The following HSD17B4 variants were observed in gnomAD, a reference collection of about 807,000 sequenced individuals.
HSD17B4 encodes the protein hydroxysteroid 17-beta dehydrogenase 4.
Under a neutral mutation model 101.0 loss-of-function variants are expected in HSD17B4, and 70 were observed. The ratio of observed to expected loss-of-function variants is 0.69; its 90% confidence interval spans 0.57 to 0.85. The LOEUF (loss-of-function observed/expected upper bound fraction) is 0.85, where lower values mean the gene tolerates loss of function less well. Ranked by LOEUF, HSD17B4 falls within the 40% of genes least tolerant of loss-of-function variation. The probability of loss-of-function intolerance (pLI) is 0.00; values close to 1 mark genes in which losing one functional copy is unlikely to be tolerated. For missense variants in HSD17B4, 984 were observed against 892.4 expected, an observed-to-expected ratio of 1.10 and a Z score of -1.31; for synonymous variants, 347 against 297.1, an observed-to-expected ratio of 1.17 and a Z score of -1.73.
intron 8 of HSD17B4, among the ~76,000 whole-genome samples, chr5:119,483,983 C>T: frequency 6.6e-6 from 1 of 152,110 alleles, no homozygotes; most frequent in East Asian, 1.9e-4. Context: ...ACAAGGTCCA[C>T]AGACATTTTT....
In HSD17B4 at chr5:119,503,624, T is replaced by C. The variant is rs568078590; in HGVS notation, c.1261+1532T>C. Among the ~76,000 whole-genome samples, 4 of 152,152 alleles carry C rather than the reference T, an allele frequency of 2.6e-5. No homozygotes were observed. The East Asian group carries it at 7.7e-4, about 29-fold the overall frequency. ...AAGCATCAGGAGACTGATAACAACA[T>C]CTCTTAATGGCTCATTTGTTGGCTA... On this transcript the variant is annotated intron_variant, in intron 14 of 23. Transcript: ENST00000510025.
At chr5:119,519,389 T>A (rs1189116999) in intron 17 of HSD17B4, among the ~76,000 whole-genome samples, 1 of 152,190 alleles carries the variant, frequency 6.6e-6, no homozygotes, top group Non-Finnish European at 1.5e-5. Flanking sequence ...TAGTATCCAG[T>A]AAAATATAAT....
intron 2 of HSD17B4, among the ~76,000 whole-genome samples, chr5:119,464,288 G>A (rs183953712): frequency 1.3e-4 from 19 of 151,934 alleles, no homozygotes; most frequent in Admixed American, 3.9e-4. Context: ...AGTGTTTCCC[G>A]TATGTTTTCT....
chr5:119,515,840 A>G (rs1413164997), intron 17 of HSD17B4, among the ~76,000 whole-genome samples: 1 of 152,172 alleles, frequency 6.6e-6, no homozygotes. Context: ...TTAGAAGAGA[A>G]CAACACAGTG....
intron 21 of HSD17B4, 161 bp downstream of exon 21, chr5:119,530,141 G>T: frequency 1.6e-6 from 1 of 635,808 alleles, no homozygotes; most frequent in South Asian, 1.8e-5. Context: ...GGAATAGAAG[G>T]AATACTCTGG....
intron 1 of HSD17B4, among the ~76,000 whole-genome samples, chr5:119,453,838 T>C (rs544157633): frequency 6.6e-6 from 1 of 152,382 alleles, no homozygotes; most frequent in East Asian, 1.9e-4. Flanking sequence ...TACACTTTGC[T>C]TTTATTGTAA....
chr5:119,454,638 T>C (rs1369744701), intron 1 of HSD17B4, among the ~76,000 whole-genome samples: 3 of 151,072 alleles, frequency 2.0e-5, no homozygotes, highest in Non-Finnish European at 3.0e-5. Context: ...TTGTTTTTGT[T>C]TGAGAGGGAG....
chr5:119,508,924 T>G (rs142738949), intron 15 of HSD17B4, among the ~76,000 whole-genome samples: 2 of 152,332 alleles, frequency 1.3e-5, no homozygotes, highest in East Asian at 3.9e-4. Flanking sequence ...GAAAGGATTT[T>G]TGAAGCTCCT....
At chr5:119,477,589 G>A (rs1748709659) in intron 7 of HSD17B4, 88 bp downstream of exon 7, 4 of 907,520 alleles carry the variant, frequency 4.4e-6, no homozygotes, top group Non-Finnish European at 7.5e-6. Flanking sequence ...GAAGTGTTGT[G>A]AAATGATTTA....
chr5:119,491,371 G>A (rs1041375184), intron 9 of HSD17B4, among the ~76,000 whole-genome samples: 1 of 151,760 alleles, frequency 6.6e-6, no homozygotes, highest in Admixed American at 6.6e-5. Context: ...TCTATCATAT[G>A]CATATGAAAT....
intron 7 of HSD17B4, among the ~76,000 whole-genome samples, chr5:119,478,492 C>A (rs76900669): frequency 0.021 from 3,163 of 152,144 alleles, 106 homozygotes; most frequent in African/African-American, 0.07. Flanking sequence ...GGGAGAGAGG[C>A]AAAGTGATGA....
chr5:119,508,227 T>TTTGGTTCATTGA (rs1751839891), intron 15 of HSD17B4, among the ~76,000 whole-genome samples: 4 of 113,788 alleles, frequency 3.5e-5, no homozygotes, highest in Non-Finnish European at 5.8e-5. Flanking sequence ...AAATGTAACA[T>TTTGGTTCATTGA]ACCAAAAAAA....
intron 6 of HSD17B4, chr5:119,476,715 C>T (rs866689209): frequency 1.2e-5 from 12 of 985,106 alleles, no homozygotes; most frequent in African/African-American, 1.7e-5. Context: ...GGTGCTGCAA[C>T]GGGACTGAGG....
chr5:119,539,796 A>G (rs1754830531), intron 23 of HSD17B4, among the ~76,000 whole-genome samples: 1 of 152,048 alleles, frequency 6.6e-6, no homozygotes, highest in African/African-American at 2.4e-5. Context: ...GAGGGAATAT[A>G]AAATTGGTAT....
chr5:119,492,086 C>T lies in HSD17B4; in HGVS notation c.715-14C>T. The T allele has an allele frequency of 1.2e-6, 2 of 1,604,872 alleles. No individual in the cohort carries two copies. Among genetic ancestry groups the T allele is most frequent in the South Asian group, 2.2e-5 (2 of 90,852 alleles). ...ACATTAGATGGTATAATGTTTTCCC[C>T]CTCTTTTTGGTAGGTTGGAGCAGGA... On this transcript the variant is annotated splice_polypyrimidine_tract_variant and intron_variant, in intron 9 of 23. Coordinates refer to ENST00000510025, the MANE Select transcript of HSD17B4 (RefSeq NM_000414.4).
intron 14 of HSD17B4, among the ~76,000 whole-genome samples, chr5:119,506,294 G>A (rs1032234888): frequency 6.6e-6 from 1 of 152,168 alleles, no homozygotes; most frequent in African/African-American, 2.4e-5. Flanking sequence ...GTGATAGTTT[G>A]CTGAGAATGA....
At chr5:119,471,687 A>T in intron 2 of HSD17B4, 20 of 1,464,704 alleles carry the variant, frequency 1.4e-5, no homozygotes, top group Non-Finnish European at 1.8e-5. Context: ...CACAATGCAG[A>T]TTCTTTGTTT....
chr5:119,509,761 C>T (rs190106118), intron 16 of HSD17B4, among the ~76,000 whole-genome samples: 1 of 152,236 alleles, frequency 6.6e-6, no homozygotes, highest in East Asian at 1.9e-4. Context: ...CTTGGATAGA[C>T]GATGCAGCAA....
chr5:119,507,984 A>G (rs186850418), intron 15 of HSD17B4, among the ~76,000 whole-genome samples: 2 of 152,264 alleles, frequency 1.3e-5, no homozygotes, highest in East Asian at 1.9e-4. Flanking sequence ...TTGTAAATAC[A>G]TAGGAGGTTA....
Sources: gnomAD v4.1 joint callset for allele counts (sites outside exome capture counted in the v4.1 genomes callset) on GRCh38, gnomAD v4.1.1 for gene constraint, MANE v1.5 for transcripts, NCBI Gene and HGNC (gene_info 2026-07-23, HGNC 2026-07-21) for gene names.